The following SOBP variants were observed in gnomAD, a reference collection of about 807,000 sequenced individuals.
SOBP encodes sine oculis binding protein homolog.
In SOBP, 4 loss-of-function variants were observed where a neutral mutation model predicts 53.6. The observed-to-expected ratio is 0.07, with a 90% confidence interval of 0.04 to 0.17. The LOEUF is 0.17. SOBP is among the 10% of genes least tolerant of loss of function. The probability of loss-of-function intolerance (pLI) is 1.00; values close to 1 mark genes in which losing one functional copy is unlikely to be tolerated. For missense variants in SOBP, 1,088 were observed against 1,204.7 expected (o/e 0.90, Z 1.43); for synonymous variants, 584 against 522.6 (o/e 1.12, Z -1.60).
intron 3 of SOBP, among the ~76,000 whole-genome samples, chr6:107,515,518 G>T (rs1385358632): frequency 6.6e-6 from 1 of 152,198 alleles, no homozygotes; most frequent in Non-Finnish European, 1.5e-5. Flanking sequence ...GGAGGCCGAG[G>T]TGGAGGGATC....
intron 5 of SOBP, among the ~76,000 whole-genome samples, chr6:107,613,930 G>A (rs1038760980): frequency 6.6e-6 from 1 of 152,206 alleles, no homozygotes; most frequent in Non-Finnish European, 1.5e-5. Context: ...GGAAGGGGAG[G>A]CCTTTTCAAC....
At chr6:107,632,438 T>C (rs1440033850) in intron 5 of SOBP, among the ~76,000 whole-genome samples, 2 of 152,254 alleles carry the variant, frequency 1.3e-5, no homozygotes, top group Non-Finnish European at 2.9e-5. Context: ...TATCTGTTTA[T>C]AGCTATGGCA....
At chr6:107,605,708 A>G (rs1372939586) in intron 5 of SOBP, among the ~76,000 whole-genome samples, 2 of 152,198 alleles carry the variant, frequency 1.3e-5, no homozygotes, top group African/African-American at 2.4e-5. Context: ...CACGAAATAC[A>G]GCTCTCATGG....
intron 3 of SOBP, chr6:107,514,902 C>G (rs908972618): frequency 6.6e-6 from 1 of 152,172 alleles, no homozygotes; most frequent in Admixed American, 6.5e-5. Flanking sequence ...ATAGTTATAA[C>G]AGCCAGAAGT....
chr6:107,520,651 G>C (rs1044021381), intron 3 of SOBP, among the ~76,000 whole-genome samples: 3 of 152,326 alleles, frequency 2.0e-5, no homozygotes, highest in East Asian at 3.9e-4. Context: ...GGAAATGTCA[G>C]CTGTGCCTTT....
At chr6:107,557,499 A>G (rs1257430391) in intron 4 of SOBP, among the ~76,000 whole-genome samples, 1 of 152,268 alleles carries the variant, frequency 6.6e-6, no homozygotes, top group African/African-American at 2.4e-5. Context: ...CAAGAATGGC[A>G]AAATGAATCA....
intron 5 of SOBP, among the ~76,000 whole-genome samples, chr6:107,624,957 G>A (rs117515944): frequency 6.6e-6 from 1 of 152,218 alleles, no homozygotes; most frequent in East Asian, 1.9e-4. Flanking sequence ...CCTTGAGATA[G>A]TGGGGCAGTA....
At chr6:107,573,387 T>G (rs1450415230) in intron 4 of SOBP, among the ~76,000 whole-genome samples, 3 of 152,132 alleles carry the variant, frequency 2.0e-5, no homozygotes, top group Non-Finnish European at 4.4e-5. Flanking sequence ...GAAAGCAGAT[T>G]TGTGAAATTT....
At chr6:107,557,008 A>G (rs574832282) in intron 4 of SOBP, among the ~76,000 whole-genome samples, 272 of 152,364 alleles carry the variant, frequency 1.8e-3, no homozygotes, top group Non-Finnish European at 3.0e-3. Flanking sequence ...ACATTTTATA[A>G]TTTATAAGGC....
intron 4 of SOBP, among the ~76,000 whole-genome samples, chr6:107,578,059 G>A (rs896805992): frequency 6.1e-5 from 8 of 131,430 alleles, no homozygotes; most frequent in Non-Finnish European, 1.1e-4. Flanking sequence ...GGGCTACAGA[G>A]CAAGACTCTG....
chr6:107,513,067 A>G lies in SOBP; in HGVS notation c.421+6640A>G, dbSNP rs1291225415. 3.3e-5 allele frequency among the ~76,000 whole-genome samples: 5 copies of G among 152,228 alleles called. No homozygotes were observed. The East Asian group carries it at 9.6e-4, about 29-fold the overall frequency. ...ATAAGTGCCCTTATTCTCATTTCTT[A>G]CCATGTTTGCACATGTGAAGTAAAA... On this transcript the variant is annotated intron_variant, in intron 3 of 6. Coordinates refer to ENST00000317357, the MANE Select transcript of SOBP (RefSeq NM_018013.4).
chr6:107,563,375 A>C (rs1295353257), intron 4 of SOBP, among the ~76,000 whole-genome samples: 3 of 152,244 alleles, frequency 2.0e-5, no homozygotes, highest in South Asian at 4.1e-4. Context: ...AATTTATATC[A>C]TTTGATTAAT....
chr6:107,560,330 G>T (rs1784737885), intron 4 of SOBP, among the ~76,000 whole-genome samples: 1 of 152,076 alleles, frequency 6.6e-6, no homozygotes, highest in Non-Finnish European at 1.5e-5. Context: ...TTTCACAGGG[G>T]TCTGTTACAG....
intron 1 of SOBP, among the ~76,000 whole-genome samples, chr6:107,497,955 A>G (rs1267618915): frequency 6.6e-6 from 1 of 152,254 alleles, no homozygotes; most frequent in Non-Finnish European, 1.5e-5. Context: ...GTAGCAATTT[A>G]AATTCCCAAT....
chr6:107,630,748 CTG>C (rs869252827), intron 5 of SOBP, among the ~76,000 whole-genome samples: 1 of 9,346 alleles, frequency 1.1e-4, no homozygotes, highest in Non-Finnish European at 5.5e-4. Flanking sequence ...CACACACACT[CTG>C]TCTCTCTCTC....
rs79912369 is a variant in SOBP at position 107,559,992 on chromosome 6, G to C, written c.573+26382G>C. On this transcript the variant is annotated intron_variant, in intron 4 of 6. Transcript: ENST00000317357. ...TTCAGGGGGCAGCAGTGGGGGAGAG[G>C]GTGGCCTGATGTCCTGGTTGTCTAT... Among the ~76,000 whole-genome samples, 452 of 152,102 alleles carry C rather than the reference G, an allele frequency of 3.0e-3. 4 individuals are homozygous for C. The highest frequency in any genetic ancestry group is 0.011 in the African/African-American group (440 of 41,488).
At chr6:107,622,950 C>A (rs569266004) in intron 5 of SOBP, among the ~76,000 whole-genome samples, 2 of 152,276 alleles carry the variant, frequency 1.3e-5, no homozygotes, top group African/African-American at 4.8e-5. Flanking sequence ...CCCCCATGCC[C>A]TGTGAAGAGT....
chr6:107,504,130 A>G (rs893189952), intron 2 of SOBP, among the ~76,000 whole-genome samples: 4 of 152,222 alleles, frequency 2.6e-5, no homozygotes, highest in African/African-American at 7.2e-5. Context: ...ATAGATCATC[A>G]TCTGTTGGGG....
chr6:107,577,646 T>C (rs1231284665), intron 4 of SOBP, among the ~76,000 whole-genome samples: 1 of 152,222 alleles, frequency 6.6e-6, no homozygotes, highest in East Asian at 1.9e-4. Flanking sequence ...ATGATGTTTT[T>C]AGAAGTCCAC....
Sources: gnomAD v4.1 joint callset for allele counts (sites outside exome capture counted in the v4.1 genomes callset) on GRCh38, gnomAD v4.1.1 for gene constraint, MANE v1.5 for transcripts, NCBI Gene and HGNC (gene_info 2026-07-23, HGNC 2026-07-21) for gene names.